Variants in ARHGAP19 observed in about 807,000 individuals in gnomAD.
ARHGAP19 encodes Rho GTPase activating protein 19, also known as rho GTPase-activating protein 19.
ARHGAP19 carries 48 observed loss-of-function variants against 60.9 expected under a neutral mutation model. The ratio of observed to expected loss-of-function variants is 0.79; its 90% CI spans 0.62 to 1.00. The LOEUF is 1.00. Ranked by LOEUF, ARHGAP19 falls within the 50% of genes least tolerant of loss-of-function variation. The pLI, the probability that ARHGAP19 is intolerant of heterozygous loss-of-function variation, is 0.00. For synonymous variants in ARHGAP19, 209 were observed against 215.5 expected (o/e 0.97, Z 0.27); for missense variants, 562 against 597.2 (o/e 0.94, Z 0.61).
chr10:97,284,698 T>C (rs1412970058), intron 1 of ARHGAP19, among the ~76,000 whole-genome samples: 1 of 150,704 alleles, frequency 6.6e-6, no homozygotes, highest in Non-Finnish European at 1.5e-5. Flanking sequence ...GTAGAGACAA[T>C]GTCTTGCTAG....
At chr10:97,291,234 C>T (rs1589385847) in intron 1 of ARHGAP19, among the ~76,000 whole-genome samples, 2 of 152,302 alleles carry the variant, frequency 1.3e-5, no homozygotes, top group East Asian at 3.9e-4. Context: ...TGTGTTTTCA[C>T]TCTATTTCAC....
In ARHGAP19 at chr10:97,266,969, C is replaced by T. The variant is rs916634859; in HGVS notation, c.57-844G>A. 1.4e-4 allele frequency among the ~76,000 whole-genome samples: 21 copies of T among 152,282 alleles called. No homozygotes were observed. In the South Asian group the frequency reaches 4.1e-3, roughly 30 times the overall value. On this transcript the variant is annotated intron_variant, in intron 1 of 11. Transcript: ENST00000358531. Reference sequence around the variant, plus strand: ...GCCCCTCCCAAATCTCATGTCCTCACATTTCAAAACCAATTATGCCTCCCC... The same window carrying T: ...GCCCCTCCCAAATCTCATGTCCTCATATTTCAAAACCAATTATGCCTCCCC...
chr10:97,265,683 A>T, intron 2 of ARHGAP19, 177 bp downstream of exon 2: 1 of 663,658 alleles, frequency 1.5e-6, no homozygotes, highest in Non-Finnish European at 2.4e-6. Context: ...TTATTTATCT[A>T]GACAGTTTTT....
intron 3 of ARHGAP19, among the ~76,000 whole-genome samples, chr10:97,264,269 T>C (rs1842868499): frequency 6.6e-6 from 1 of 152,046 alleles, no homozygotes. Context: ...CTAGGCAATA[T>C]GGCAAAATCC....
At chr10:97,228,970 G>C (rs1048637361) in intron 11 of ARHGAP19, 177 bp downstream of exon 11, 1 of 708,638 alleles carries the variant, frequency 1.4e-6, no homozygotes, top group Non-Finnish European at 2.6e-6. Context: ...AGACAATGCT[G>C]AGTAAATGGT....
intron 4 of ARHGAP19, 74 bp from the exon 5 acceptor site, chr10:97,259,702 C>G: frequency 1.0e-6 from 1 of 982,750 alleles, no homozygotes; most frequent in South Asian, 1.4e-5. Context: ...CACCATTATC[C>G]TCCCCTCAAC....
At chr10:97,229,424 C>T (rs1238724456) in intron 10 of ARHGAP19, among the ~76,000 whole-genome samples, 199 bp from the exon 11 acceptor site, 1 of 152,082 alleles carries the variant, frequency 6.6e-6, no homozygotes, top group East Asian at 1.9e-4. Context: ...GAACCACCAC[C>T]CCACAGGTAA....
intron 8 of ARHGAP19, among the ~76,000 whole-genome samples, chr10:97,238,204 T>G (rs541716326): frequency 6.6e-6 from 1 of 152,214 alleles, no homozygotes; most frequent in East Asian, 1.9e-4. Flanking sequence ...TCTTCAGTTT[T>G]GGAGTTTTTT....
chr10:97,239,552 GTGTGTGT>G (rs1564713513), intron 8 of ARHGAP19, among the ~76,000 whole-genome samples: 30 of 9,916 alleles, frequency 3.0e-3, no homozygotes, highest in South Asian at 6.1e-3. Flanking sequence ...GAGAGAGAGG[GTGTGTGT>G]GTGTGTGTGT....
At chr10:97,265,751 C>CA in intron 2 of ARHGAP19, 109 bp downstream of exon 2, 2 of 1,449,540 alleles carry the variant, frequency 1.4e-6, no homozygotes, top group Non-Finnish European at 9.3e-7. Context: ...AAAAAATGGC[C>CA]AAAAAATGCT....
intron 5 of ARHGAP19, among the ~76,000 whole-genome samples, chr10:97,256,824 A>C (rs933481293): frequency 2.6e-5 from 4 of 152,212 alleles, no homozygotes; most frequent in Non-Finnish European, 4.4e-5. Context: ...TCTGTTTCTT[A>C]AAAACACAGT....
intron 1 of ARHGAP19, among the ~76,000 whole-genome samples, chr10:97,281,681 G>A (rs1410218503): frequency 2.0e-5 from 3 of 152,092 alleles, no homozygotes; most frequent in African/African-American, 4.8e-5. Flanking sequence ...TAAGTGCTAC[G>A]CGATTTCAAA....
At chr10:97,286,204 A>G (rs760339687) in intron 1 of ARHGAP19, among the ~76,000 whole-genome samples, 71 of 152,164 alleles carry the variant, frequency 4.7e-4, no homozygotes, top group Admixed American at 8.5e-4. Flanking sequence ...GTAAGAACAG[A>G]CAAGTCTTCC....
At chr10:97,251,448 GGA>G (rs1842660537) in intron 6 of ARHGAP19, among the ~76,000 whole-genome samples, 1 of 33,244 alleles carries the variant, frequency 3.0e-5, no homozygotes. Flanking sequence ...GAGGAGACGG[GGA>G]AGGGGAAGGG....
At chr10:97,285,363 G>A (rs1843139967) in intron 1 of ARHGAP19, among the ~76,000 whole-genome samples, 1 of 151,280 alleles carries the variant, frequency 6.6e-6, no homozygotes. Context: ...TAACAACAGG[G>A]TCTCAGTCAC....
intron 1 of ARHGAP19, among the ~76,000 whole-genome samples, chr10:97,292,312 C>T (rs1843247003): frequency 6.6e-6 from 1 of 152,234 alleles, no homozygotes; most frequent in Non-Finnish European, 1.5e-5. Flanking sequence ...ATCAGCGCTG[C>T]CACCCCCAGC....
rs745823009 is a variant in ARHGAP19, at chr10:97,259,528, A to G, written c.714T>C (p.Pro238=). Residue 238 remains proline, a synonymous_variant, in exon 5 of 12, where the codon CCT becomes CCC. Transcript: ENST00000358531. Reference sequence around the variant, plus strand: ...GCAATAACTTCAGCAAATTACGATTAGGAGGAGGGAGAATGAGGAAGAGCA... The same window carrying G: ...GCAATAACTTCAGCAAATTACGATTGGGAGGAGGGAGAATGAGGAAGAGCA... ...LQLLFLILPP[P]NRNLLKLLLD... 5.6e-6 allele frequency: 9 copies of G among 1,614,088 alleles called. 1 individual carries two copies. In the South Asian group the frequency reaches 9.9e-5, roughly 18 times the overall value.
chr10:97,239,555 T>G (rs1310877492), intron 8 of ARHGAP19, among the ~76,000 whole-genome samples: 10 of 4,558 alleles, frequency 2.2e-3, no homozygotes, highest in Admixed American at 3.9e-3. Context: ...AGAGAGGGTG[T>G]GTGTGTGTGT....
chr10:97,273,278 TC>T (rs1806409570), intron 1 of ARHGAP19, among the ~76,000 whole-genome samples: 1 of 152,106 alleles, frequency 6.6e-6, no homozygotes, highest in Non-Finnish European at 1.5e-5. Context: ...TTCTCGTGCC[TC>T]AGCCTCCCCA....
Sources: allele counts gnomAD v4.1 joint callset (sites outside exome capture counted in the v4.1 genomes callset), GRCh38; gene constraint gnomAD v4.1.1; transcripts MANE v1.5; gene names NCBI Gene and HGNC (gene_info 2026-07-23, HGNC 2026-07-21).